The following ROBO2 variants were observed in gnomAD, a reference collection of about 807,000 sequenced individuals.
ROBO2 encodes roundabout guidance receptor 2.
In ROBO2, 53 loss-of-function variants were observed where a neutral mutation model predicts 160.8. That is an observed-to-expected ratio of 0.33 (90% confidence interval 0.26 to 0.41). The LOEUF is 0.41. ROBO2 is among the 10% of genes least tolerant of loss of function. The pLI, the probability that ROBO2 is intolerant of heterozygous loss-of-function variation, is 1.00. For missense variants in ROBO2, 1,577 were observed against 1,722.4 expected (o/e 0.92, Z 1.49); for synonymous variants, 664 against 611.7 (o/e 1.09, Z -1.26).
chr3:77,496,025 A>G (rs1275654978), intron 5 of ROBO2, among the ~76,000 whole-genome samples: 1 of 152,202 alleles, frequency 6.6e-6, no homozygotes, highest in Non-Finnish European at 1.5e-5. Context: ...TATAAATCAA[A>G]CAACAGCATT....
chr3:77,476,276 C>G (rs975819219), intron 2 of ROBO2, among the ~76,000 whole-genome samples: 13 of 152,080 alleles, frequency 8.5e-5, no homozygotes, highest in Non-Finnish European at 1.6e-4. Flanking sequence ...TTGACCTAAT[C>G]CCCAGTCGCG....
intron 2 of ROBO2, among the ~76,000 whole-genome samples, chr3:76,278,902 G>T (rs1708081710): frequency 6.6e-6 from 1 of 151,822 alleles, no homozygotes; most frequent in African/African-American, 2.4e-5. Context: ...CTCACTGTAA[G>T]CTGCTCTCCC....
chr3:77,598,375 T>C (rs1051143538), intron 19 of ROBO2, among the ~76,000 whole-genome samples: 3 of 150,376 alleles, frequency 2.0e-5, no homozygotes, highest in South Asian at 4.2e-4. Context: ...CTTCTGCAAA[T>C]AAAATACAGA....
At chr3:76,531,914 C>A (rs1231244064) in intron 2 of ROBO2, among the ~76,000 whole-genome samples, 1 of 151,964 alleles carries the variant, frequency 6.6e-6, no homozygotes, top group Admixed American at 6.6e-5. Flanking sequence ...ATCATAATAC[C>A]CACTTTTTAG....
At chr3:76,873,570 A>C (rs1370754170) in intron 2 of ROBO2, among the ~76,000 whole-genome samples, 4 of 152,286 alleles carry the variant, frequency 2.6e-5, no homozygotes, top group African/African-American at 7.2e-5. Context: ...TAGTAGTAGT[A>C]GTAGTCGTCG....
At chr3:77,602,337 T>C in exon 20 of ROBO2, 1 of 1,614,122 alleles carries the variant, frequency 6.2e-7, no homozygotes, top group Non-Finnish European at 8.5e-7. Flanking sequence ...TAACACAGGC[T>C]ACCCCATATG....
At chr3:76,798,129 GAAAGAAGAAAGAGAA>G (rs1237108760) in intron 2 of ROBO2, among the ~76,000 whole-genome samples, 1,766 of 82,076 alleles carry the variant, frequency 0.022, 39 homozygotes, top group African/African-American at 0.075. Flanking sequence ...AAAGAAGAAA[GAAAGAAGAAAGAGAA>G]AGAAAGAAAG....
At chr3:77,515,780 AG>A (rs2089952698) in intron 5 of ROBO2, among the ~76,000 whole-genome samples, 1 of 151,724 alleles carries the variant, frequency 6.6e-6, no homozygotes, top group African/African-American at 2.4e-5. Context: ...TTGCGCCAGA[AG>A]ACTTAGATTC....
At chr3:76,467,368 T>A (rs2078418331) in intron 2 of ROBO2, among the ~76,000 whole-genome samples, 1 of 152,136 alleles carries the variant, frequency 6.6e-6, no homozygotes, top group Admixed American at 6.6e-5. Flanking sequence ...CCAAAAATTA[T>A]GCCAGTATTT....
intron 2 of ROBO2, among the ~76,000 whole-genome samples, chr3:76,624,528 TG>T (rs35638204): frequency 0.21 from 31,814 of 151,602 alleles, 3,483 homozygotes; most frequent in Middle Eastern, 0.27. Context: ...CCGGGCGCGG[TG>T]GGCTCACACC....
chr3:76,046,495 A>T (rs982711499), intron 2 of ROBO2, among the ~76,000 whole-genome samples: 3 of 151,526 alleles, frequency 2.0e-5, no homozygotes, highest in African/African-American at 7.3e-5. Flanking sequence ...TAAAAATACA[A>T]AAAATTAGCC....
At chr3:77,033,307 A>C (rs1265992191) in intron 2 of ROBO2, among the ~76,000 whole-genome samples, 2 of 152,208 alleles carry the variant, frequency 1.3e-5, no homozygotes, top group African/African-American at 4.8e-5. Flanking sequence ...GAGAAGACTA[A>C]TATTTTCCTG....
chr3:76,129,623 G>GT (rs2071146322), intron 2 of ROBO2, among the ~76,000 whole-genome samples: 1 of 152,072 alleles, frequency 6.6e-6, no homozygotes, highest in Admixed American at 6.5e-5. Context: ...CTAAGGCATT[G>GT]TGACTCTTCT....
intron 2 of ROBO2, among the ~76,000 whole-genome samples, chr3:76,161,448 T>C (rs1471379869): frequency 6.6e-6 from 1 of 152,150 alleles, no homozygotes; most frequent in East Asian, 1.9e-4. Context: ...TAAGCTAGAC[T>C]GACAGTACAA....
chr3:76,304,743 T>TTCCTTCC (rs1553700094), intron 2 of ROBO2, among the ~76,000 whole-genome samples: 3 of 117,700 alleles, frequency 2.5e-5, no homozygotes, highest in South Asian at 2.9e-4. Context: ...TTTTCTTTTC[T>TTCCTTCC]TTCCTTCTTT....
At chr3:77,380,703 CCCTT>C (rs1432271870) in intron 2 of ROBO2, among the ~76,000 whole-genome samples, 54 of 147,768 alleles carry the variant, frequency 3.7e-4, no homozygotes, top group South Asian at 1.3e-3. Context: ...CTCCTTCCCT[CCCTT>C]CCTTCCTTCC....
intron 7 of ROBO2, among the ~76,000 whole-genome samples, chr3:77,548,467 T>C (rs2092788520): frequency 1.3e-5 from 2 of 152,030 alleles, no homozygotes; most frequent in African/African-American, 4.8e-5. Flanking sequence ...TGTTATTATA[T>C]AGCTAAGACC....
chr3:76,517,815 C>T (rs144583538), intron 2 of ROBO2, among the ~76,000 whole-genome samples: 12 of 152,082 alleles, frequency 7.9e-5, no homozygotes, highest in Non-Finnish European at 1.6e-4. Flanking sequence ...TGGGTATCTA[C>T]CTTTTCCTCT....
rs532104349 is a variant in ROBO2, at chr3:76,200,393, A to G, written c.109+262791A>G. 5.3e-5 allele frequency among the ~76,000 whole-genome samples: 8 copies of G among 152,276 alleles called. No homozygotes were observed. The South Asian group carries it at 1.7e-3, about 32-fold the overall frequency. On this transcript the variant is annotated intron_variant, in intron 2 of 26. Coordinates refer to the ROBO2 transcript ENST00000487694. Reference sequence around the variant, plus strand: ...GGAAAATCACTTTGTAAATGGAAATACTTTTTATAAAAGGAAAGCTCATGC... The same window carrying G: ...GGAAAATCACTTTGTAAATGGAAATGCTTTTTATAAAAGGAAAGCTCATGC...
Sources: allele counts gnomAD v4.1 joint callset (sites outside exome capture counted in the v4.1 genomes callset), GRCh38; gene constraint gnomAD v4.1.1; transcripts MANE v1.5; gene names NCBI Gene and HGNC (gene_info 2026-07-23, HGNC 2026-07-21).